The following LRRFIP1 variants were observed in gnomAD, a reference collection of about 807,000 sequenced individuals.
The protein encoded by LRRFIP1 is LRR binding FLII interacting protein 1, also known as leucine-rich repeat flightless-interacting protein 1.
LRRFIP1 carries 62 observed loss-of-function variants against 104.4 expected under a neutral mutation model. The ratio of observed to expected loss-of-function variants is 0.59; its 90% CI spans 0.48 to 0.73. The LOEUF (loss-of-function observed/expected upper bound fraction) is 0.73. Among genes scored for constraint, LRRFIP1 ranks in the 30% least tolerant of loss-of-function variants. The pLI is 0.00. For missense variants in LRRFIP1, 796 were observed against 824.5 expected (o/e 0.97, Z 0.42); for synonymous variants, 300 against 299.0 (o/e 1.00, Z -0.03).
intron 1 of LRRFIP1, among the ~76,000 whole-genome samples, chr2:237,694,601 G>A (rs1413168117): frequency 5.9e-5 from 9 of 152,318 alleles, no homozygotes; most frequent in African/African-American, 1.9e-4. Flanking sequence ...CGTGGGTTCA[G>A]GGATGGGTCT....
At chr2:237,733,638 A>G in intron 8 of LRRFIP1, 136 bp from the exon 9 acceptor site, 1 of 746,164 alleles carries the variant, frequency 1.3e-6, no homozygotes, top group South Asian at 2.0e-5. Context: ...CGGTGCCTCG[A>G]TCGGTTTGTT....
chr2:237,711,613 C>T lies in LRRFIP1; in HGVS notation c.184-2646C>T, dbSNP rs377685230. Among the ~76,000 whole-genome samples, 7 of 152,308 alleles carry T rather than the reference C, an allele frequency of 4.6e-5. No homozygotes were observed. In the East Asian group the frequency reaches 9.7e-4, roughly 21 times the overall value. On this transcript the variant is annotated intron_variant, in intron 2 of 23. Transcript: ENST00000308482. The surrounding 1 kb of genome is among the most constrained non-coding windows in gnomAD (Gnocchi z 4.4). ...TGCGGCTGTGACACAGGGCGGGCGT[C>T]GTGGGCGCGGCTGTGGACTCCTGCC... is the stretch of plus-strand genomic sequence containing the variant.
intron 1 of LRRFIP1, among the ~76,000 whole-genome samples, chr2:237,695,144 A>T (rs915001369): frequency 1.3e-5 from 2 of 152,214 alleles, no homozygotes; most frequent in African/African-American, 4.8e-5. Flanking sequence ...CGGGCAGGTA[A>T]GACATAAATA....
chr2:237,730,035 G>A (rs1463084217), intron 8 of LRRFIP1, among the ~76,000 whole-genome samples: 1 of 152,194 alleles, frequency 6.6e-6, no homozygotes, highest in East Asian at 1.9e-4. Flanking sequence ...GTACTCCAGT[G>A]TGCTGCGTTT....
At chr2:237,729,937 T>C in intron 8 of LRRFIP1, 1 of 550,004 alleles carries the variant, frequency 1.8e-6, no homozygotes, top group Non-Finnish European at 2.3e-6. Flanking sequence ...TACTTTTCTC[T>C]TTCGGTGTCT....
At chr2:237,694,603 G>A (rs1483082534) in intron 1 of LRRFIP1, among the ~76,000 whole-genome samples, 1 of 152,204 alleles carries the variant, frequency 6.6e-6, no homozygotes, top group Admixed American at 6.5e-5. Context: ...TGGGTTCAGG[G>A]ATGGGTCTCC....
At chr2:237,696,773 T>A (rs1381444262) in intron 1 of LRRFIP1, among the ~76,000 whole-genome samples, 1 of 152,212 alleles carries the variant, frequency 6.6e-6, no homozygotes, top group Non-Finnish European at 1.5e-5. Flanking sequence ...AGGTAGTAAA[T>A]GTGCAAGATA....
chr2:237,718,119 A>G (rs552029639), intron 4 of LRRFIP1, among the ~76,000 whole-genome samples: 68 of 152,346 alleles, frequency 4.5e-4, no homozygotes, highest in Non-Finnish European at 3.5e-4. Context: ...CTCCTCGAGC[A>G]CAGGGCTCTC....
At chr2:237,646,702 T>A (rs1346777710) in intron 1 of LRRFIP1, among the ~76,000 whole-genome samples, 1 of 151,938 alleles carries the variant, frequency 6.6e-6, no homozygotes, top group Non-Finnish European at 1.5e-5. Context: ...GAGCTCACTC[T>A]GCCTCCGCAT....
intron 11 of LRRFIP1, among the ~76,000 whole-genome samples, chr2:237,739,878 C>T (rs3769071): frequency 0.035 from 5,273 of 152,148 alleles, 112 homozygotes; most frequent in Middle Eastern, 0.12. Context: ...CACAGTTTTA[C>T]CTGATGTGAT....
At chr2:237,683,019 C>G (rs530920542) in intron 1 of LRRFIP1, among the ~76,000 whole-genome samples, 5 of 152,208 alleles carry the variant, frequency 3.3e-5, no homozygotes, top group Non-Finnish European at 2.9e-5. Context: ...GGGTGGAGAG[C>G]GCTGCCAGCA....
intron 11 of LRRFIP1, among the ~76,000 whole-genome samples, chr2:237,741,556 G>A (rs560379893): frequency 1.1e-4 from 16 of 152,274 alleles, no homozygotes; most frequent in Admixed American, 6.5e-5. Context: ...TGCCAGGCGC[G>A]GTGGCTCACA....
intron 3 of LRRFIP1, 32 bp downstream of exon 3, chr2:237,714,308 C>G (rs755673842): frequency 1.3e-6 from 2 of 1,578,234 alleles, no homozygotes; most frequent in Non-Finnish European, 1.7e-6. Context: ...TTCTAACTTG[C>G]ATGTACTGTT....
rs1335404515 is a variant in LRRFIP1, at chr2:237,746,058, A to AT, written c.634-2303dup. ...TTTGAAATTTTATTTATTTTATTTT[A>AT]TTTATTTTTTTTTTTTTTGAGACAG... is the stretch of plus-strand genomic sequence containing the variant. On this transcript the variant is annotated intron_variant, in intron 11 of 23. Coordinates refer to ENST00000308482, the MANE Select transcript of LRRFIP1 (RefSeq NM_001137550.2). Among the ~76,000 whole-genome samples the AT allele has an allele frequency of 1.6e-3, 227 of 142,788 alleles. 1 individual carries two copies. The highest frequency in any genetic ancestry group is 5.2e-3 in the African/African-American group (202 of 38,482). 93.7% of individuals were successfully genotyped at this position (142,788 alleles called of 152,430 possible). A position where few individuals can be genotyped will look rare whatever the true frequency, so the allele number is the denominator to read the frequency against.
At chr2:237,638,545 G>C (rs2083426889) in intron 1 of LRRFIP1, among the ~76,000 whole-genome samples, 1 of 152,142 alleles carries the variant, frequency 6.6e-6, no homozygotes, top group Non-Finnish European at 1.5e-5. Context: ...ATTACCCCCA[G>C]CATATTTTTA....
intron 6 of LRRFIP1, chr2:237,721,075 T>C (rs1403236492): frequency 6.7e-6 from 3 of 445,216 alleles, no homozygotes; most frequent in African/African-American, 2.0e-5. Flanking sequence ...TCAATACTTA[T>C]CCACATCACA....
chr2:237,679,569 A>G (rs868632561), intron 1 of LRRFIP1, among the ~76,000 whole-genome samples: 8 of 152,242 alleles, frequency 5.3e-5, no homozygotes, highest in African/African-American at 1.9e-4. Context: ...GATAGTTTGT[A>G]ATAACAGAAA....
At position 237,717,639 on chromosome 2, in the gene LRRFIP1, C is replaced by T. The variant is rs974993447; in HGVS notation, c.202-123C>T. The T allele has an allele frequency of 9.9e-6, 8 of 804,652 alleles. No homozygotes were observed. The highest frequency in any genetic ancestry group is 2.6e-4 in the Middle Eastern group (1 of 3,776). 49.8% of individuals were successfully genotyped at this position (804,652 alleles called of 1,614,324 possible). On this transcript the variant is annotated intron_variant, in intron 3 of 23. Transcript: ENST00000308482. The surrounding 1 kb of genome is among the most constrained non-coding windows in gnomAD (Gnocchi z 4.2). Reference sequence around the variant, plus strand: ...CCTGGTGCCGACTGCTTTGCCTTGGCGTGTTACCTTCACCACACGGCTGGA... The same window carrying T: ...CCTGGTGCCGACTGCTTTGCCTTGGTGTGTTACCTTCACCACACGGCTGGA...
intron 13 of LRRFIP1, among the ~76,000 whole-genome samples, chr2:237,749,763 C>G (rs1448999575): frequency 1.3e-5 from 2 of 152,172 alleles, no homozygotes; most frequent in Non-Finnish European, 2.9e-5. Flanking sequence ...TTTCCTTTCT[C>G]TTTGTAATGT....
Sources: gnomAD v4.1 joint callset for allele counts (sites outside exome capture counted in the v4.1 genomes callset) on GRCh38, gnomAD v4.1.1 for gene constraint, Gnocchi (gnomAD v3.1) non-coding constraint, MANE v1.5 for transcripts, NCBI Gene and HGNC (gene_info 2026-07-23, HGNC 2026-07-21) for gene names.